The following KIAA1549L variants were observed in gnomAD, a reference collection of about 807,000 sequenced individuals.
KIAA1549L encodes the protein UPF0606 protein KIAA1549L.
A neutral mutation model predicts 160.7 loss-of-function variants in KIAA1549L; 88 were observed. The observed-to-expected ratio is 0.55, with a 90% CI of 0.46 to 0.65. KIAA1549L has a LOEUF of 0.65. KIAA1549L is among the 30% of genes least tolerant of loss of function. KIAA1549L has a pLI of 0.00. For missense variants in KIAA1549L, 2,258 were observed against 2,437.5 expected (o/e 0.93, Z 1.55); for synonymous variants, 950 against 976.7 (o/e 0.97, Z 0.51).
intron 1 of KIAA1549L, among the ~76,000 whole-genome samples, chr11:33,405,425 A>G (rs1850624526): frequency 6.6e-6 from 1 of 152,194 alleles, no homozygotes; most frequent in African/African-American, 2.4e-5. Context: ...GAGTAACAGA[A>G]TTAAAAACAG....
intron 16 of KIAA1549L, among the ~76,000 whole-genome samples, chr11:33,619,605 TA>T (rs1276289046): frequency 6.6e-6 from 1 of 152,220 alleles, no homozygotes; most frequent in East Asian, 1.9e-4. Flanking sequence ...ATGGTCCAAT[TA>T]AAAACAGAGA....
Position 33,542,441 on chromosome 11 carries a change from C to G in KIAA1549L, c.878C>G (p.Pro293Arg). ...CAGAACATAGCTAATCCCTTAATCC[C>G]ATTTTCTGATGAAATGGACCACACT... ...LGQNIANPLI[P>R]FSDEMDHTAS... The change falls in exon 2 of 21, where the codon CCA becomes CGA. Residue 293 changes from proline (P) to arginine (R), a missense_variant. Physicochemically the swap from Pro to Arg is moderately radical, Grantham distance 103 (BLOSUM62 -2). Around this residue, in one of 6 missense-constraint regions of KIAA1549L, gnomAD observed 540 missense variants for 465.7 expected, o/e 1.16. Transcript: ENST00000658780. 6.2e-7 allele frequency: 1 copy of G among 1,600,500 alleles called. No homozygotes were observed. Among genetic ancestry groups the G allele is most frequent in the Non-Finnish European group, 8.5e-7 (1 of 1,172,382 alleles).
chr11:33,517,284 G>A (rs1284858997), intron 1 of KIAA1549L, among the ~76,000 whole-genome samples: 1 of 152,204 alleles, frequency 6.6e-6, no homozygotes, highest in Admixed American at 6.5e-5. Context: ...GCCTCCTGGA[G>A]TAGTTAACAA....
Position 33,566,724 on chromosome 11 carries a change from G to T in KIAA1549L, c.4079-1352G>T, listed in dbSNP as rs192979151. ...GCTTGTATGGAATGTGATGATTAGC[G>T]TTGGCTGCTGGTAGCCCCCTGTTGT... On this transcript the variant is annotated intron_variant, in intron 8 of 20. Coordinates refer to ENST00000658780, the MANE Select transcript of KIAA1549L (RefSeq NM_012194.3). 5.3e-5 allele frequency among the ~76,000 whole-genome samples: 8 copies of T among 152,298 alleles called. 1 individual carries two copies. Among genetic ancestry groups the T allele is most frequent in the South Asian group, 2.1e-4 (1 of 4,832 alleles).
intron 20 of KIAA1549L, among the ~76,000 whole-genome samples, chr11:33,663,260 C>T (rs1852327004): frequency 2.0e-5 from 3 of 152,176 alleles, no homozygotes; most frequent in Admixed American, 6.5e-5. Flanking sequence ...TAGGTTTCAT[C>T]CTTGGTGCCA....
At chr11:33,655,467 A>G (rs1852032488) in intron 17 of KIAA1549L, among the ~76,000 whole-genome samples, 1 of 152,200 alleles carries the variant, frequency 6.6e-6, no homozygotes, top group Non-Finnish European at 1.5e-5. Context: ...GTAAAACACA[A>G]TCAATGATTC....
rs192107971 is a variant in KIAA1549L at position 33,542,426 on chromosome 11, C to A, written c.863C>A (p.Ala288Asp). The A allele has an allele frequency of 2.3e-4, 364 of 1,576,942 alleles. No individual in the cohort carries two copies. The African/African-American group carries it at 4.4e-3, about 19-fold the overall frequency. The change falls in exon 2 of 21, where the codon GCT (alanine) becomes GAT (aspartate). Residue 288 changes from alanine (A) to aspartate (D), a missense_variant. By Grantham distance (126) the Ala-to-Asp change is moderately radical (BLOSUM62 -2). Coordinates refer to ENST00000658780, the MANE Select transcript of KIAA1549L (RefSeq NM_012194.3). ...PADPSLGQNI[A>D]NPLIPFSDEM... ...GACCCCTCTTTAGGTCAGAACATAG[C>A]TAATCCCTTAATCCCATTTTCTGAT... is the stretch of plus-strand genomic sequence containing the variant.
At chr11:33,557,110 C>A (rs1045934890) in intron 6 of KIAA1549L, among the ~76,000 whole-genome samples, 3 of 152,244 alleles carry the variant, frequency 2.0e-5, no homozygotes, top group East Asian at 3.9e-4. Flanking sequence ...GCCTCAGCCT[C>A]CCAAGCAGCT....
rs556688576 is a variant in KIAA1549L at position 33,641,725 on chromosome 11, T to A, written c.5410-3961T>A. Among the ~76,000 whole-genome samples the A allele has an allele frequency of 2.0e-5, 3 of 150,910 alleles. No homozygotes were observed. In the East Asian group the frequency reaches 5.9e-4, roughly 29 times the overall value. ...TATGGGGAACACATTTGTCTTTCAA[T>A]GCCTTAATTTCCTCTTCTGTAAAGT... On this transcript the variant is annotated intron_variant, in intron 16 of 20. Transcript: ENST00000658780.
intron 18 of KIAA1549L, among the ~76,000 whole-genome samples, chr11:33,656,855 C>T (rs1428302169): frequency 3.3e-5 from 5 of 152,114 alleles, no homozygotes; most frequent in Non-Finnish European, 7.3e-5. Flanking sequence ...GTTTAGAATG[C>T]GGAGGGGCGT....
At chr11:33,643,646 G>A (rs1259494172) in intron 16 of KIAA1549L, among the ~76,000 whole-genome samples, 6 of 152,178 alleles carry the variant, frequency 3.9e-5, no homozygotes, top group African/African-American at 7.2e-5. Context: ...ATGAGAGGCA[G>A]TGCCGTGCTG....
intron 16 of KIAA1549L, among the ~76,000 whole-genome samples, chr11:33,630,182 A>G (rs1489656529): frequency 6.6e-6 from 1 of 151,790 alleles, no homozygotes; most frequent in East Asian, 1.9e-4. Flanking sequence ...GCTCTCTTCA[A>G]AGCTGTCAGA....
intron 18 of KIAA1549L, among the ~76,000 whole-genome samples, chr11:33,657,755 C>T (rs1452849428): frequency 5.3e-5 from 8 of 152,182 alleles, no homozygotes; most frequent in Admixed American, 3.3e-4. Flanking sequence ...CGAGGTGGTG[C>T]CACTGCACTC....
At chr11:33,557,322 T>C (rs1056402419) in intron 6 of KIAA1549L, among the ~76,000 whole-genome samples, 1 of 152,134 alleles carries the variant, frequency 6.6e-6, no homozygotes, top group African/African-American at 2.4e-5. Flanking sequence ...AAAAATAGAA[T>C]GTTCACAATA....
Position 33,668,055 on chromosome 11 carries a change from CCT to C in KIAA1549L, c.6343_6344del (p.Leu2115AspfsTer28). On this transcript the variant is annotated frameshift_variant, in exon 21 of 21. Coordinates refer to ENST00000658780, the MANE Select transcript of KIAA1549L (RefSeq NM_012194.3). LOFTEE classifies it high-confidence loss of function. ...LAENDPSDAP[L>X]TNISTAALVK... Reference sequence around the variant, plus strand: ...CAGAAAACGACCCGTCTGACGCTCCCCTGACCAACATCTCCACTGCGGCCCTT... The same window carrying C: ...CAGAAAACGACCCGTCTGACGCTCCCGACCAACATCTCCACTGCGGCCCTT... 1 of 1,614,056 alleles carries C rather than the reference CCT, an allele frequency of 6.2e-7. No individual in the cohort carries two copies. Among genetic ancestry groups the C allele is most frequent in the South Asian group, 1.1e-5 (1 of 91,080 alleles).
At chr11:33,533,759 AGGGAT>A (rs1391502127) in intron 1 of KIAA1549L, among the ~76,000 whole-genome samples, 1 of 152,176 alleles carries the variant, frequency 6.6e-6, no homozygotes, top group Non-Finnish European at 1.5e-5. Context: ...TTGAGATGGG[AGGGAT>A]GACTCATTTT....
chr11:33,638,433 A>AAAAAT lies in KIAA1549L; in HGVS notation c.5410-7250_5410-7249insATAAA, dbSNP rs1554927328. 8.5e-4 allele frequency among the ~76,000 whole-genome samples: 32 copies of AAAAAT among 37,686 alleles called. No homozygotes were observed. The East Asian group carries it at 0.033, about 38-fold the overall frequency. 24.7% of individuals were successfully genotyped at this position (37,686 alleles called of 152,430 possible). ...TTCTCTAAAATAAATAAAAAAAAAA[A>AAAAAT]AAATAAATAAATAAATAAATAAATA... On this transcript the variant is annotated intron_variant, in intron 16 of 20. Coordinates refer to ENST00000658780, the MANE Select transcript of KIAA1549L (RefSeq NM_012194.3).
chr11:33,550,478 C>T (rs1360211451), intron 4 of KIAA1549L, among the ~76,000 whole-genome samples: 5 of 152,166 alleles, frequency 3.3e-5, no homozygotes, highest in African/African-American at 1.2e-4. Flanking sequence ...CCCTAGGATT[C>T]AGCTGTCAGA....
chr11:33,380,786 G>T (rs55663330), intron 1 of KIAA1549L, among the ~76,000 whole-genome samples: 10,490 of 152,048 alleles, frequency 0.069, 389 homozygotes, highest in South Asian at 0.12. Context: ...CGATACCAAA[G>T]AATTTCTAAT....
Sources: allele counts gnomAD v4.1 joint callset (sites outside exome capture counted in the v4.1 genomes callset), GRCh38; gene constraint gnomAD v4.1.1; regional missense constraint gnomAD v4.1.1; transcripts MANE v1.5; gene names NCBI Gene and HGNC (gene_info 2026-07-23, HGNC 2026-07-21).